The following NRG3 variants were observed in gnomAD, a reference collection of about 807,000 sequenced individuals.
The protein encoded by NRG3 is neuregulin 3.
In NRG3, 31 loss-of-function variants were observed where a neutral mutation model predicts 66.9. That is an observed-to-expected ratio of 0.46 (90% CI 0.35 to 0.63). NRG3 has a LOEUF of 0.63. Among genes scored for constraint, NRG3 ranks in the 20% least tolerant of loss-of-function variants. NRG3 has a pLI of 0.00. For synonymous variants in NRG3, 393 were observed against 359.4 expected (o/e 1.09, Z -1.06); for missense variants, 910 against 878.9 (o/e 1.04, Z -0.45).
At chr10:82,030,983 T>C (rs2062544453) in intron 1 of NRG3, among the ~76,000 whole-genome samples, 1 of 152,170 alleles carries the variant, frequency 6.6e-6, no homozygotes, top group Admixed American at 6.6e-5. Flanking sequence ...TACCTGATTA[T>C]AAAATCAAAG....
At chr10:82,120,748 T>C (rs2068033120) in intron 1 of NRG3, among the ~76,000 whole-genome samples, 1 of 151,440 alleles carries the variant, frequency 6.6e-6, no homozygotes, top group Non-Finnish European at 1.5e-5. Flanking sequence ...TGCAAGAAGG[T>C]TTGCTTGGCA....
chr10:82,457,380 G>A (rs1237274386), intron 2 of NRG3, among the ~76,000 whole-genome samples: 1 of 152,162 alleles, frequency 6.6e-6, no homozygotes, highest in Admixed American at 6.5e-5. Flanking sequence ...CACATGTGCA[G>A]TTCACAATAG....
intron 4 of NRG3, among the ~76,000 whole-genome samples, chr10:82,898,763 C>G (rs1843915378): frequency 7.4e-6 from 1 of 134,234 alleles, no homozygotes; most frequent in African/African-American, 2.9e-5. Flanking sequence ...GCTCTGTCTC[C>G]CAGGCTGGAG....
chr10:82,663,586 C>T (rs1418443933), intron 2 of NRG3, among the ~76,000 whole-genome samples: 2 of 152,078 alleles, frequency 1.3e-5, no homozygotes, highest in African/African-American at 4.8e-5. Flanking sequence ...ATTCACTGAC[C>T]TTTTTGAAAA....
intron 2 of NRG3, among the ~76,000 whole-genome samples, chr10:82,411,116 A>G (rs369759970): frequency 6.6e-6 from 1 of 152,080 alleles, no homozygotes; most frequent in Non-Finnish European, 1.5e-5. Flanking sequence ...GGATTTCAGC[A>G]TGTAAGCCAG....
At chr10:82,633,228 C>T (rs1284227852) in intron 2 of NRG3, among the ~76,000 whole-genome samples, 4 of 152,116 alleles carry the variant, frequency 2.6e-5, no homozygotes, top group Non-Finnish European at 5.9e-5. Flanking sequence ...CATATATATG[C>T]TTAGTGGCAA....
At position 82,808,865 on chromosome 10, in the gene NRG3, G is replaced by A. The variant is rs991546672; in HGVS notation, c.1028-56546G>A. 4.6e-5 allele frequency among the ~76,000 whole-genome samples: 7 copies of A among 152,050 alleles called. No individual in the cohort carries two copies. The South Asian group carries it at 6.2e-4, about 14-fold the overall frequency. ...ACCCACATATAAACACTAAAATTAC[G>A]TGAATTTTTACTAAAATTGCATGAA... On this transcript the variant is annotated intron_variant, in intron 3 of 8. Transcript: ENST00000372141.
At chr10:82,969,482 A>T (rs1851531645) in intron 6 of NRG3, among the ~76,000 whole-genome samples, 1 of 152,158 alleles carries the variant, frequency 6.6e-6, no homozygotes, top group African/African-American at 2.4e-5. Flanking sequence ...GAAAACAATC[A>T]CCTTTTCCAA....
chr10:82,926,233 A>G (rs1444913914), intron 4 of NRG3, among the ~76,000 whole-genome samples: 1 of 152,236 alleles, frequency 6.6e-6, no homozygotes, highest in African/African-American at 2.4e-5. Context: ...ATTATAAGTA[A>G]TTCAGGAATG....
intron 4 of NRG3, among the ~76,000 whole-genome samples, chr10:82,866,633 T>C (rs555571): frequency 0.74 from 111,562 of 151,438 alleles, 41,598 homozygotes; most frequent in African/African-American, 0.86. Context: ...TAGGATGTTA[T>C]TCAAATGAAG....
At chr10:82,363,537 A>G (rs2084324066) in intron 2 of NRG3, among the ~76,000 whole-genome samples, 1 of 151,616 alleles carries the variant, frequency 6.6e-6, no homozygotes, top group African/African-American at 2.4e-5. Context: ...CTCACTGCAA[A>G]CTCCGCTTCC....
At chr10:82,139,307 G>A (rs1564601152) in intron 1 of NRG3, among the ~76,000 whole-genome samples, 1 of 152,100 alleles carries the variant, frequency 6.6e-6, no homozygotes, top group South Asian at 2.1e-4. Context: ...TTTAAGTTGT[G>A]CCAAAGTCAT....
intron 1 of NRG3, among the ~76,000 whole-genome samples, chr10:82,106,650 C>T (rs879821593): frequency 6.6e-5 from 10 of 151,928 alleles, no homozygotes; most frequent in African/African-American, 9.6e-5. Flanking sequence ...GGACTGCAGG[C>T]GCGCACCACC....
At chr10:82,468,683 C>T (rs1294873626) in intron 2 of NRG3, among the ~76,000 whole-genome samples, 5 of 152,132 alleles carry the variant, frequency 3.3e-5, no homozygotes, top group South Asian at 2.1e-4. Flanking sequence ...AGTCTGCTGG[C>T]GCTGCAGCTA....
chr10:82,468,882 A>G (rs951147103), intron 2 of NRG3, among the ~76,000 whole-genome samples: 1 of 152,176 alleles, frequency 6.6e-6, no homozygotes, highest in Non-Finnish European at 1.5e-5. Context: ...AGGAAGGGAG[A>G]AAGAAAAAGA....
At chr10:82,525,391 C>G (rs910374950) in intron 2 of NRG3, among the ~76,000 whole-genome samples, 1 of 151,716 alleles carries the variant, frequency 6.6e-6, no homozygotes, top group Non-Finnish European at 1.5e-5. Flanking sequence ...ATCCTCCTAA[C>G]GTTGAGGGGG....
chr10:82,575,935 C>T (rs1416851), intron 2 of NRG3, among the ~76,000 whole-genome samples: 39,009 of 151,438 alleles, frequency 0.26, 5,374 homozygotes, highest in East Asian at 0.34. Context: ...TCTGGGTCTC[C>T]GTATTCTTCT....
At chr10:81,946,783 C>T (rs1416282507) in intron 1 of NRG3, among the ~76,000 whole-genome samples, 4 of 152,162 alleles carry the variant, frequency 2.6e-5, no homozygotes, top group African/African-American at 7.2e-5. Context: ...TCTCATGCTC[C>T]GAACAGACTT....
intron 2 of NRG3, among the ~76,000 whole-genome samples, chr10:82,391,617 G>A (rs2086370741): frequency 6.6e-6 from 1 of 152,082 alleles, no homozygotes. Flanking sequence ...CCCATGTGTG[G>A]TCACAGGAAT....
Sources: allele counts gnomAD v4.1 joint callset (sites outside exome capture counted in the v4.1 genomes callset), GRCh38; gene constraint gnomAD v4.1.1; transcripts MANE v1.5; gene names NCBI Gene and HGNC (gene_info 2026-07-23, HGNC 2026-07-21).